The following NIPBL variants were observed in gnomAD, a reference collection of about 807,000 sequenced individuals.
NIPBL encodes NIPBL cohesin loading factor.
NIPBL carries 19 observed loss-of-function variants against 321.8 expected under a neutral mutation model. That is an observed-to-expected ratio of 0.06 (90% CI 0.04 to 0.09). The LOEUF (loss-of-function observed/expected upper bound fraction) is 0.09, where lower values mean the gene tolerates loss of function less well. Ranked by LOEUF, NIPBL falls within the 10% of genes least tolerant of loss-of-function variation. NIPBL has a pLI of 1.00. For missense variants in NIPBL, 2,210 were observed against 3,327.0 expected, an observed-to-expected ratio of 0.66 and a Z score of 8.26; for synonymous variants, 1,106 against 1,114.1, an observed-to-expected ratio of 0.99 and a Z score of 0.14.
intron 1 of NIPBL, among the ~76,000 whole-genome samples, chr5:36,895,062 A>G (rs1297225976): frequency 6.6e-6 from 1 of 152,214 alleles, no homozygotes; most frequent in Non-Finnish European, 1.5e-5. Flanking sequence ...TTTTTAGTAT[A>G]TTCACAAAGT....
rs144662163 is a variant in NIPBL at position 36,919,249 on chromosome 5, A to G, written c.-79-34369A>G. Among the ~76,000 whole-genome samples the G allele has an allele frequency of 2.0e-5, 3 of 152,320 alleles. No homozygotes were observed. In the East Asian group the frequency reaches 5.8e-4, roughly 29 times the overall value. ...ATAAAAGAGAGGGCATTTTACTACC[A>G]AAAGGTAAAGTAGGAAAGGTGTATC... On this transcript the variant is annotated intron_variant, in intron 1 of 46. Transcript: ENST00000282516.
chr5:37,026,567 A>G (rs1750292273), intron 31 of NIPBL, among the ~76,000 whole-genome samples: 1 of 152,176 alleles, frequency 6.6e-6, no homozygotes, highest in African/African-American at 2.4e-5. Context: ...AGATTTTCCT[A>G]TTCCTCCAGC....
At chr5:37,006,813 T>G (rs928218701) in intron 17 of NIPBL, among the ~76,000 whole-genome samples, 4 of 151,984 alleles carry the variant, frequency 2.6e-5, no homozygotes, top group African/African-American at 9.7e-5. Context: ...TCTCAGAAAA[T>G]ACTACCTTCT....
intron 1 of NIPBL, among the ~76,000 whole-genome samples, chr5:36,906,903 T>C (rs868134691): frequency 1.1e-4 from 17 of 152,318 alleles, no homozygotes; most frequent in Middle Eastern, 6.8e-3. Context: ...AGGAGTTTCT[T>C]CTTCCCAGCC....
At chr5:37,052,300 C>G (rs952910852) in intron 41 of NIPBL, 66 bp from the exon 42 acceptor site, 23 of 1,253,060 alleles carry the variant, frequency 1.8e-5, no homozygotes, top group Non-Finnish European at 2.6e-5. Flanking sequence ...ATGTAATGCT[C>G]TAAGTATATT....
In NIPBL at chr5:37,063,926, A is replaced by G; in HGVS notation, c.7997A>G (p.Glu2666Gly). 1 of 1,614,082 alleles carries G rather than the reference A, an allele frequency of 6.2e-7. No individual in the cohort carries two copies. The highest frequency in any genetic ancestry group is 8.5e-7 in the Non-Finnish European group (1 of 1,180,010). The change falls in exon 46 of 47, where the codon GAG becomes GGG. Residue 2666 changes from glutamate (E) to glycine (G), a missense_variant. Transcript: ENST00000282516. ...GGSPKNNTAAETEDDESDGED... is the reference protein window; with the variant it reads ...GGSPKNNTAAGTEDDESDGED... ...AGCCCTAAAAATAATACAGCAGCAG[A>G]GACAGAAGATGATGAAAGTGATGGG...
chr5:36,906,849 T>G (rs1039685126), intron 1 of NIPBL, among the ~76,000 whole-genome samples: 4 of 152,212 alleles, frequency 2.6e-5, no homozygotes, highest in African/African-American at 7.2e-5. Flanking sequence ...GGGGAATTAT[T>G]GTTAAGCACT....
chr5:37,006,554 G>C lies in NIPBL; in HGVS notation c.4053G>C (p.Gln1351His). The C allele has an allele frequency of 6.2e-7, 1 of 1,607,812 alleles. No individual in the cohort carries two copies. The highest frequency in any genetic ancestry group is 8.5e-7 in the Non-Finnish European group (1 of 1,175,046). ...KFHLQNTLYP[Q>H]YDPVYRLDPH... ...ATTTGCAGAATACACTTTATCCTCAGTATGATCCTGTTTACAGATTAGATC... is the reference window on the plus strand; with the variant it reads ...ATTTGCAGAATACACTTTATCCTCACTATGATCCTGTTTACAGATTAGATC... The change falls in exon 17 of 47, where the codon CAG becomes CAC. Residue 1351 changes from glutamine to histidine, a missense_variant. Coordinates refer to ENST00000282516, the MANE Select transcript of NIPBL (RefSeq NM_133433.4).
At chr5:37,016,899 A>G in intron 23 of NIPBL, 120 bp from the exon 24 acceptor site, 2 of 749,614 alleles carry the variant, frequency 2.7e-6, no homozygotes, top group East Asian at 2.9e-5. Context: ...ACAATATCAC[A>G]GGAAAAAAAA....
intron 21 of NIPBL, among the ~76,000 whole-genome samples, chr5:37,011,379 ACT>A (rs1580463876): frequency 6.6e-6 from 1 of 151,886 alleles, no homozygotes; most frequent in Admixed American, 6.6e-5. Context: ...ACATGACAAA[ACT>A]CTGTCTCTAC....
intron 31 of NIPBL, 106 bp from the exon 32 acceptor site, chr5:37,027,253 T>G: frequency 1.1e-6 from 1 of 890,624 alleles, no homozygotes; most frequent in Non-Finnish European, 1.8e-6. Flanking sequence ...AATAAACTTT[T>G]GAATTGAGAA....
intron 6 of NIPBL, among the ~76,000 whole-genome samples, chr5:36,966,291 T>C (rs1742197305): frequency 2.0e-5 from 3 of 152,134 alleles, no homozygotes; most frequent in African/African-American, 4.8e-5. Flanking sequence ...TTGGCTACTT[T>C]TGTTGTAGAA....
At chr5:36,968,666 G>A (rs1359986854) in intron 6 of NIPBL, among the ~76,000 whole-genome samples, 1 of 152,120 alleles carries the variant, frequency 6.6e-6, no homozygotes, top group Non-Finnish European at 1.5e-5. Context: ...TTTAAGTCTA[G>A]CCTGTGCAAT....
At chr5:37,049,497 C>T (rs1440315809) in intron 40 of NIPBL, among the ~76,000 whole-genome samples, 196 bp downstream of exon 40, 1 of 152,110 alleles carries the variant, frequency 6.6e-6, no homozygotes, top group African/African-American at 2.4e-5. Context: ...ATAATATTGT[C>T]TCTGTTATAA....
intron 45 of NIPBL, among the ~76,000 whole-genome samples, chr5:37,063,025 TC>T (rs1754938289): frequency 6.6e-6 from 1 of 152,126 alleles, no homozygotes. Flanking sequence ...TAGAGGACTA[TC>T]CTAAAAAATA....
chr5:36,915,117 T>C (rs1748361177), intron 1 of NIPBL, among the ~76,000 whole-genome samples: 1 of 152,044 alleles, frequency 6.6e-6, no homozygotes, highest in South Asian at 2.1e-4. Flanking sequence ...TAGACATTTC[T>C]CAAAGGTATA....
intron 40 of NIPBL, chr5:37,051,545 GAAATTGTTT>G: frequency 1.8e-6 from 1 of 551,170 alleles, no homozygotes; most frequent in Non-Finnish European, 3.2e-6. Context: ...AATTTACAAT[GAAATTGTTT>G]AAATTTTATC....
intron 32 of NIPBL, among the ~76,000 whole-genome samples, chr5:37,029,024 A>G (rs928270805): frequency 1.2e-4 from 19 of 152,200 alleles, no homozygotes; most frequent in African/African-American, 4.6e-4. Context: ...AGTGAAATCT[A>G]GAGGCTTAAT....
chr5:36,902,691 T>G (rs1409963038), intron 1 of NIPBL, among the ~76,000 whole-genome samples: 1 of 148,078 alleles, frequency 6.8e-6, no homozygotes, highest in Non-Finnish European at 1.5e-5. Flanking sequence ...CCTCTGGCTT[T>G]GTTCTTTTTG....
Sources: allele counts gnomAD v4.1 joint callset (sites outside exome capture counted in the v4.1 genomes callset), GRCh38; gene constraint gnomAD v4.1.1; transcripts MANE v1.5; gene names NCBI Gene and HGNC (gene_info 2026-07-23, HGNC 2026-07-21).